PRKCZ: variants seen among roughly 807,000 people sequenced by gnomAD.
The protein encoded by PRKCZ is protein kinase C zeta.
In PRKCZ, 33 loss-of-function variants were observed where a neutral mutation model predicts 79.5. That is an observed-to-expected ratio of 0.41 (90% CI 0.31 to 0.55). The LOEUF is 0.55. PRKCZ is among the 20% of genes least tolerant of loss of function. PRKCZ has a pLI of 0.19. For missense variants in PRKCZ, 578 were observed against 813.5 expected (o/e 0.71, Z 3.52); for synonymous variants, 342 against 320.9 (o/e 1.07, Z -0.70).
In PRKCZ at chr1:2,094,342, C is replaced by T. The variant is rs1666045173; in HGVS notation, c.334+34751C>T. Reference sequence around the variant, plus strand: ...GCTGTGTGGTGCCCGTGGGCAGTGGCGGAGGCAGTGGCCCCGGCTCGTTGA... The same window carrying T: ...GCTGTGTGGTGCCCGTGGGCAGTGGTGGAGGCAGTGGCCCCGGCTCGTTGA... On this transcript the variant is annotated intron_variant, in intron 4 of 17. Transcript: ENST00000378567. The surrounding 1 kb of genome is among the most constrained non-coding windows in gnomAD (Gnocchi z 7.3). 1.3e-5 allele frequency among the ~76,000 whole-genome samples: 2 copies of T among 152,172 alleles called. No homozygotes were observed. Among genetic ancestry groups the T allele is most frequent in the South Asian group, 2.1e-4 (1 of 4,830 alleles).
chr1:2,168,230 T>C lies in PRKCZ; in HGVS notation c.975-1288T>C, dbSNP rs1304506352. ...TGCCACGGTGGCTGGAAAGCAGACA[T>C]AGAAAATAGATGCACCAGTGAGCAT... On this transcript the variant is annotated intron_variant, in intron 10 of 17. Transcript: ENST00000378567. This position sits in a 1 kb window ranked among gnomAD's most constrained non-coding sequence, Gnocchi z 4.7. Among the ~76,000 whole-genome samples the C allele has an allele frequency of 6.6e-6, 1 of 152,104 alleles. No homozygotes were observed. Among genetic ancestry groups the C allele is most frequent in the Non-Finnish European group, 1.5e-5 (1 of 68,022 alleles).
chr1:2,133,642 G>C (rs992750001), intron 4 of PRKCZ: 62 of 150,828 alleles, frequency 4.1e-4, no homozygotes, highest in African/African-American at 1.5e-3. Flanking sequence ...CTGTGCGTCC[G>C]TCCCTCGGTT....
rs1401734794 is a variant in PRKCZ, at chr1:2,128,524, C to G, written c.335-6738C>G. Among the ~76,000 whole-genome samples, 2 of 152,218 alleles carry G rather than the reference C, an allele frequency of 1.3e-5. No homozygotes were observed. The highest frequency in any genetic ancestry group is 2.4e-5 in the African/African-American group (1 of 41,452). On this transcript the variant is annotated intron_variant, in intron 4 of 17. Transcript: ENST00000378567. The surrounding 1 kb of genome is among the most constrained non-coding windows in gnomAD (Gnocchi z 6.5). ...ACTGAGCTCCTTAGAATTCCTGTGG[C>G]CGTCCTAATTATAGAATCTCAAAGA...
chr1:2,126,968 G>A (rs1428038721), intron 4 of PRKCZ, among the ~76,000 whole-genome samples: 3 of 152,246 alleles, frequency 2.0e-5, no homozygotes, highest in Non-Finnish European at 2.9e-5. Flanking sequence ...CTGGGGGTCC[G>A]TGTGTCCCAC....
In PRKCZ at chr1:2,168,580, C is replaced by T. The variant is rs774491122; in HGVS notation, c.975-938C>T. ...CTGCCCTGTGTAAACTGGCCTCTGTCCTCTCTGGCTTAATTCTGGGAGCTT... is the reference window on the plus strand; with the variant it reads ...CTGCCCTGTGTAAACTGGCCTCTGTTCTCTCTGGCTTAATTCTGGGAGCTT... On this transcript the variant is annotated intron_variant, in intron 10 of 17. Transcript: ENST00000378567. This position sits in a 1 kb window ranked among gnomAD's most constrained non-coding sequence, Gnocchi z 4.7. 1.3e-5 allele frequency among the ~76,000 whole-genome samples: 2 copies of T among 152,178 alleles called. No homozygotes were observed. Among genetic ancestry groups the T allele is most frequent in the Non-Finnish European group, 2.9e-5 (2 of 68,020 alleles).
chr1:2,155,977 C>A lies in PRKCZ; in HGVS notation c.877-18C>A. The stretch of plus-strand genomic sequence containing the variant: ...AGCATTCGGGAGCCTCATTACCACT[C>A]CCTGGTTTCTATTTCAGGATATTGA... On this transcript the variant is annotated intron_variant, in intron 9 of 17. Coordinates refer to ENST00000378567, the MANE Select transcript of PRKCZ (RefSeq NM_002744.6). 1.9e-6 allele frequency: 3 copies of A among 1,609,762 alleles called. No individual in the cohort carries two copies. The highest frequency in any genetic ancestry group is 2.6e-6 in the Non-Finnish European group (3 of 1,176,164).
rs262645 is a variant in PRKCZ at position 2,167,618 on chromosome 1, C to A, written c.975-1900C>A. 3.4e-3 allele frequency among the ~76,000 whole-genome samples: 518 copies of A among 152,180 alleles called. 4 individuals carry two copies. Among genetic ancestry groups the A allele is most frequent in the African/African-American group, 0.012 (490 of 41,504 alleles). On this transcript the variant is annotated intron_variant, in intron 10 of 17. Coordinates refer to ENST00000378567, the MANE Select transcript of PRKCZ (RefSeq NM_002744.6). ...TGGTTTTTTGTATTTTTATTTTATT[C>A]TTTGAGACAGAGTCTTGCTCTGTCG...
At chr1:2,148,482 C>T (rs1314743269) in intron 7 of PRKCZ, among the ~76,000 whole-genome samples, 2 of 152,360 alleles carry the variant, frequency 1.3e-5, no homozygotes, top group Non-Finnish European at 2.9e-5. Flanking sequence ...ATCCATTGTG[C>T]ACTGACCTCT....
At chr1:2,155,727 TGGG>T (rs1252393961) in intron 9 of PRKCZ, among the ~76,000 whole-genome samples, 1 of 132,986 alleles carries the variant, frequency 7.5e-6, no homozygotes, top group African/African-American at 2.9e-5. Context: ...ACGATGATAG[TGGG>T]GGGTGGGGGT....
chr1:2,051,967 C>T (rs1363638135), intron 1 of PRKCZ, among the ~76,000 whole-genome samples: 2 of 152,144 alleles, frequency 1.3e-5, no homozygotes, highest in Non-Finnish European at 2.9e-5. Context: ...GGGGGACTGA[C>T]CGTCCAGCCC....
chr1:2,081,815 A>G (rs1005308442), intron 4 of PRKCZ, among the ~76,000 whole-genome samples: 1 of 112,800 alleles, frequency 8.9e-6, no homozygotes, highest in Non-Finnish European at 1.9e-5. Context: ...ACACCCCACC[A>G]CTGCCGCCCC....
chr1:2,108,104 C>T (rs1249266914), intron 4 of PRKCZ, among the ~76,000 whole-genome samples: 1 of 152,236 alleles, frequency 6.6e-6, no homozygotes, highest in Non-Finnish European at 1.5e-5. Context: ...GTCAGGTAGC[C>T]CAGGGCCCGC....
chr1:2,076,856 G>A (rs1662516904), intron 4 of PRKCZ, among the ~76,000 whole-genome samples: 2 of 152,170 alleles, frequency 1.3e-5, no homozygotes, highest in Non-Finnish European at 2.9e-5. Context: ...ACTCATACAG[G>A]AGACGCTGTG....
chr1:2,060,945 G>C (rs923163872), intron 4 of PRKCZ, among the ~76,000 whole-genome samples: 3 of 152,194 alleles, frequency 2.0e-5, no homozygotes, highest in African/African-American at 7.2e-5. Flanking sequence ...ACGGACCCTG[G>C]AGCACGCACC....
At chr1:2,113,551 G>A (rs72907453) in intron 4 of PRKCZ, among the ~76,000 whole-genome samples, 3,249 of 152,286 alleles carry the variant, frequency 0.021, 92 homozygotes, top group African/African-American at 0.066. Context: ...AGGCGACCAG[G>A]GCCTTGAGTG....
At chr1:2,064,312 T>G (rs564681302) in intron 4 of PRKCZ, among the ~76,000 whole-genome samples, 3 of 152,236 alleles carry the variant, frequency 2.0e-5, no homozygotes, top group Non-Finnish European at 2.9e-5. Flanking sequence ...TCCTGCTTTG[T>G]GGGTTGTTTT....
At chr1:2,160,917 C>T (rs538288809) in intron 10 of PRKCZ, among the ~76,000 whole-genome samples, 1 of 152,216 alleles carries the variant, frequency 6.6e-6, no homozygotes, top group East Asian at 1.9e-4. Flanking sequence ...GGGTCTGACC[C>T]TGGGGTGCTG....
intron 4 of PRKCZ, among the ~76,000 whole-genome samples, chr1:2,106,939 G>A (rs576835394): frequency 1.6e-4 from 25 of 152,304 alleles, no homozygotes; most frequent in African/African-American, 4.6e-4. Flanking sequence ...ACCTCTGCAC[G>A]TGTCTCCAGA....
chr1:2,067,659 C>T (rs1253655400), intron 4 of PRKCZ, among the ~76,000 whole-genome samples: 1 of 152,118 alleles, frequency 6.6e-6, no homozygotes, highest in Non-Finnish European at 1.5e-5. Context: ...CATGAGGGGC[C>T]GCAGGTGCCT....
Sources: allele counts gnomAD v4.1 joint callset (sites outside exome capture counted in the v4.1 genomes callset), GRCh38; gene constraint gnomAD v4.1.1; non-coding constraint Gnocchi (gnomAD v3.1); transcripts MANE v1.5; gene names NCBI Gene and HGNC (gene_info 2026-07-23, HGNC 2026-07-21).